RUVBL1: variants seen among roughly 807,000 people sequenced by gnomAD.
The protein encoded by RUVBL1 is ruvB-like 1.
Under a neutral mutation model 52.4 loss-of-function variants are expected in RUVBL1, and 4 were observed. That is an observed-to-expected ratio of 0.08 (90% confidence interval 0.04 to 0.17). The LOEUF (loss-of-function observed/expected upper bound fraction) is 0.17, where lower values mean the gene tolerates loss of function less well. RUVBL1 is among the 10% of genes least tolerant of loss of function. The pLI is 1.00. For synonymous variants in RUVBL1, 217 were observed against 214.4 expected (o/e 1.01, Z -0.10); for missense variants, 298 against 572.8 (o/e 0.52, Z 4.90).
At chr3:128,147,433 C>CA (rs1458796145) in intron 1 of RUVBL1, among the ~76,000 whole-genome samples, 1 of 152,024 alleles carries the variant, frequency 6.6e-6, no homozygotes, top group African/African-American at 2.4e-5. Context: ...TCCATCTTTA[C>CA]AAAAAATTTT....
chr3:128,087,638 T>C (rs1383754109), intron 9 of RUVBL1, 68 bp downstream of exon 9: 1 of 1,297,276 alleles, frequency 7.7e-7, no homozygotes, highest in Non-Finnish European at 1.1e-6. Flanking sequence ...GATACCTTTC[T>C]GCACAGCCAC....
intron 1 of RUVBL1, among the ~76,000 whole-genome samples, chr3:128,141,213 G>A (rs557601147): frequency 6.6e-6 from 1 of 152,322 alleles, no homozygotes; most frequent in East Asian, 1.9e-4. Flanking sequence ...CAAGGCTGGG[G>A]AAATCTGACA....
chr3:128,128,247 C>T (rs148533522), upstream of RUVBL1, among the ~76,000 whole-genome samples: 118 of 152,270 alleles, frequency 7.7e-4, 1 homozygote, highest in East Asian at 0.021. Context: ...CTTGACCTCC[C>T]AAAATGCTGG....
At chr3:128,101,529 G>T in intron 5 of RUVBL1, 30 bp downstream of exon 5, 1 of 1,598,444 alleles carries the variant, frequency 6.3e-7, no homozygotes, top group South Asian at 1.1e-5. Context: ...ACAAATCAGG[G>T]ACAATGCTGT....
chr3:128,092,092 T>G (rs1372120919), intron 8 of RUVBL1, among the ~76,000 whole-genome samples: 1 of 152,054 alleles, frequency 6.6e-6, no homozygotes, highest in East Asian at 1.9e-4. Context: ...CCAAAACAAT[T>G]CAATAAAAAA....
At chr3:128,075,787 G>C (rs1942299639) in intron 9 of RUVBL1, 1 of 152,224 alleles carries the variant, frequency 6.6e-6, no homozygotes, top group Non-Finnish European at 1.5e-5. Flanking sequence ...GCAAGCTCCC[G>C]CGGGGTGCCT....
chr3:128,071,144 C>T (rs1942156581), intron 9 of RUVBL1: 1 of 152,378 alleles, frequency 6.6e-6, no homozygotes, highest in African/African-American at 2.4e-5. Flanking sequence ...GCTGGCAGTG[C>T]TAGCCAGGAA....
Position 128,082,792 on chromosome 3 carries a change from G to A in RUVBL1, c.1120-218C>T, listed in dbSNP as rs939798499. ...CTGCAGTATGCATGAATAGCATCAC[G>A]GCCAGTGTGCTGTATTCAACTGACT... is the stretch of plus-strand genomic sequence containing the variant. On this transcript the variant is annotated intron_variant, in intron 9 of 10. Transcript: ENST00000322623. This position sits in a 1 kb window ranked among gnomAD's most constrained non-coding sequence, Gnocchi z 4.7. 11 of 472,630 alleles carry A rather than the reference G, an allele frequency of 2.3e-5. No homozygotes were observed. In the East Asian group the frequency reaches 2.8e-4, roughly 12 times the overall value. 29.3% of individuals were successfully genotyped at this position (472,630 alleles called of 1,614,324 possible).
At chr3:128,093,370 T>C (rs1379305294) in intron 8 of RUVBL1, among the ~76,000 whole-genome samples, 1 of 152,134 alleles carries the variant, frequency 6.6e-6, no homozygotes, top group Non-Finnish European at 1.5e-5. Context: ...ATGGGTATAG[T>C]TTCTTTTTGG....
chr3:128,084,364 C>A (rs1221069128), intron 9 of RUVBL1: 1 of 152,226 alleles, frequency 6.6e-6, no homozygotes. Flanking sequence ...AGAACTCCCC[C>A]CTGAACACAG....
chr3:128,080,287 A>G (rs1266354306), downstream of RUVBL1, among the ~76,000 whole-genome samples: 1 of 152,234 alleles, frequency 6.6e-6, no homozygotes, highest in East Asian at 1.9e-4. Flanking sequence ...GTCCATTCTG[A>G]TACAATCTTC....
chr3:128,096,619 G>A (rs1942977735), intron 8 of RUVBL1, among the ~76,000 whole-genome samples: 1 of 152,146 alleles, frequency 6.6e-6, no homozygotes, highest in Non-Finnish European at 1.5e-5. Flanking sequence ...GAGGTCAGGA[G>A]ATCAAGACCA....
chr3:128,104,404 A>ATGG (rs1943176276), intron 4 of RUVBL1, among the ~76,000 whole-genome samples: 1 of 152,214 alleles, frequency 6.6e-6, no homozygotes, highest in Non-Finnish European at 1.5e-5. Context: ...TTCTATGAGC[A>ATGG]TGGGCACTGA....
chr3:128,146,716 C>G (rs2687723), intron 1 of RUVBL1, among the ~76,000 whole-genome samples: 20,884 of 147,900 alleles, frequency 0.14, 1,602 homozygotes, highest in African/African-American at 0.21. Flanking sequence ...TGTGCGTGTG[C>G]ATGGCCCCAT....
chr3:128,136,600 TG>T (rs776828994), intron 1 of RUVBL1, among the ~76,000 whole-genome samples: 5 of 126,616 alleles, frequency 3.9e-5, no homozygotes, highest in Non-Finnish European at 7.8e-5. Context: ...TACTCCAGCC[TG>T]GGTGACAGAG....
chr3:128,066,887 G>T lies in RUVBL1; in HGVS notation c.940-1667C>A. 2.0e-6 allele frequency: 3 copies of T among 1,517,384 alleles called. No homozygotes were observed. The Admixed American group carries it at 5.1e-5, about 26-fold the overall frequency. 94.0% of individuals were successfully genotyped at this position (1,517,384 alleles called of 1,614,324 possible). ...GGCCCACTGGACAGTCCCCGGCCGGGCTGTGTTTCTGTGCAGCAGGCTGAA... is the reference window on the plus strand; with the variant it reads ...GGCCCACTGGACAGTCCCCGGCCGGTCTGTGTTTCTGTGCAGCAGGCTGAA... On this transcript the variant is annotated intron_variant, in intron 9 of 9. Transcript: ENST00000464873.
At chr3:128,102,473 G>A (rs1367424895) in intron 4 of RUVBL1, among the ~76,000 whole-genome samples, 1 of 152,212 alleles carries the variant, frequency 6.6e-6, no homozygotes, top group African/African-American at 2.4e-5. Flanking sequence ...CAAGTTTCTC[G>A]AGGTCTTCAT....
intron 3 of RUVBL1, among the ~76,000 whole-genome samples, chr3:128,108,525 A>G (rs147311798): frequency 1.5e-3 from 234 of 152,292 alleles, no homozygotes; most frequent in African/African-American, 5.0e-3. Flanking sequence ...TTTTAAGTAA[A>G]TAGAACATTT....
intron 3 of RUVBL1, among the ~76,000 whole-genome samples, chr3:128,105,415 G>A (rs1050435525): frequency 5.9e-5 from 9 of 151,910 alleles, no homozygotes; most frequent in Non-Finnish European, 1.0e-4. Flanking sequence ...CACCACACCC[G>A]GCCTAGAAAT....
Sources: allele counts gnomAD v4.1 joint callset (sites outside exome capture counted in the v4.1 genomes callset), GRCh38; gene constraint gnomAD v4.1.1; non-coding constraint Gnocchi (gnomAD v3.1); transcripts MANE v1.5; gene names NCBI Gene and HGNC (gene_info 2026-07-23, HGNC 2026-07-21).